Variants in BCAS3 observed in about 807,000 individuals in gnomAD.
BCAS3 encodes the protein BCAS4/BCAS3 fusion.
Under a neutral mutation model 116.1 loss-of-function variants are expected in BCAS3, and 53 were observed. That is an observed-to-expected ratio of 0.46 (90% confidence interval 0.37 to 0.57). BCAS3 has a LOEUF of 0.57. BCAS3 is among the 20% of genes least tolerant of loss of function. The pLI, the probability that BCAS3 is intolerant of heterozygous loss-of-function variation, is 0.00. For synonymous variants in BCAS3, 391 were observed against 408.2 expected, an observed-to-expected ratio of 0.96 and a Z score of 0.51; for missense variants, 917 against 1,165.4, an observed-to-expected ratio of 0.79 and a Z score of 3.10.
intron 15 of BCAS3, among the ~76,000 whole-genome samples, chr17:61,011,796 A>G (rs2065128470): frequency 2.6e-5 from 4 of 152,030 alleles, no homozygotes; most frequent in Admixed American, 2.0e-4. Flanking sequence ...ATCATTTATA[A>G]CCAAAGATTT....
At chr17:60,760,494 TTTG>T (rs201982018) in intron 6 of BCAS3, among the ~76,000 whole-genome samples, 12,550 of 115,726 alleles carry the variant, frequency 0.11, 1,710 homozygotes, top group African/African-American at 0.49. Flanking sequence ...GACAGGTTTT[TTTG>T]TTTTTTTTTT....
chr17:60,868,465 C>T, intron 7 of BCAS3, 111 bp from the exon 8 acceptor site: 1 of 541,368 alleles, frequency 1.8e-6, no homozygotes, highest in Middle Eastern at 4.5e-4. Context: ...AATCAATTTA[C>T]TAATATCTTG....
chr17:61,098,866 C>A lies in BCAS3; in HGVS notation c.2425+14302C>A, dbSNP rs1406372522. Among the ~76,000 whole-genome samples the A allele has an allele frequency of 6.6e-6, 1 of 152,070 alleles. No individual in the cohort carries two copies. The highest frequency in any genetic ancestry group is 1.5e-5 in the Non-Finnish European group (1 of 68,016). Reference sequence around the variant, plus strand: ...ATGGGCTGGGTGTGGTGGCTCACACCTGTAATACCAGCACTTTGGGAGGCC... The same window carrying A: ...ATGGGCTGGGTGTGGTGGCTCACACATGTAATACCAGCACTTTGGGAGGCC... On this transcript the variant is annotated intron_variant, in intron 22 of 23. Coordinates refer to ENST00000407086, the MANE Select transcript of BCAS3 (RefSeq NM_017679.5). This position sits in a 1 kb window ranked among gnomAD's most constrained non-coding sequence, Gnocchi z 4.2.
At chr17:60,784,101 C>A (rs1436202354) in intron 6 of BCAS3, among the ~76,000 whole-genome samples, 1 of 151,814 alleles carries the variant, frequency 6.6e-6, no homozygotes, top group Non-Finnish European at 1.5e-5. Flanking sequence ...ATAATGCAGT[C>A]CAAGCATGTA....
Position 61,388,733 on chromosome 17 carries a change from C to A in BCAS3, c.2594-3244C>A, listed in dbSNP as rs768653425. On this transcript the variant is annotated intron_variant, in intron 23 of 23. Coordinates refer to ENST00000407086, the MANE Select transcript of BCAS3 (RefSeq NM_017679.5). The surrounding 1 kb of genome is among the most constrained non-coding windows in gnomAD (Gnocchi z 6.5). ...GGTAAGGCCACACGTTTCCATTTGC[C>A]GCTTGCTCGTAGGGCTGGGCGGCCG... 7.2e-6 allele frequency: 11 copies of A among 1,536,464 alleles called. No homozygotes were observed. The African/African-American group carries it at 1.5e-4, about 21-fold the overall frequency.
intron 15 of BCAS3, among the ~76,000 whole-genome samples, chr17:60,999,169 C>T (rs917415796): frequency 3.3e-5 from 5 of 152,114 alleles, no homozygotes; most frequent in Non-Finnish European, 7.4e-5. Context: ...CTGTTCTTTT[C>T]CATTGGTCTA....
chr17:60,837,116 A>G (rs1156271526), intron 7 of BCAS3, among the ~76,000 whole-genome samples: 2 of 152,158 alleles, frequency 1.3e-5, no homozygotes, highest in Non-Finnish European at 2.9e-5. Context: ...CTTTAACCTT[A>G]TATCTAGTAG....
At chr17:61,254,880 T>A (rs1303209923) in intron 22 of BCAS3, among the ~76,000 whole-genome samples, 1 of 149,062 alleles carries the variant, frequency 6.7e-6, no homozygotes, top group Non-Finnish European at 1.5e-5. Context: ...AACAATACAA[T>A]AACAACAAAA....
intron 14 of BCAS3, among the ~76,000 whole-genome samples, chr17:60,969,019 C>T (rs562794433): frequency 6.7e-6 from 1 of 149,952 alleles, no homozygotes; most frequent in South Asian, 2.1e-4. Context: ...TTTCTGTGCT[C>T]TTGATGCCAG....
intron 22 of BCAS3, among the ~76,000 whole-genome samples, chr17:61,190,822 C>T (rs1160353200): frequency 1.3e-5 from 2 of 152,036 alleles, no homozygotes; most frequent in East Asian, 1.9e-4. Context: ...AGGCTGGTCT[C>T]GAACTCCTGA....
At chr17:61,305,172 T>A (rs1391039713) in intron 22 of BCAS3, among the ~76,000 whole-genome samples, 1 of 152,134 alleles carries the variant, frequency 6.6e-6, no homozygotes, top group Admixed American at 6.5e-5. Context: ...GATAGAATAC[T>A]GGCCTTAGTC....
chr17:60,780,130 A>G (rs753608841), intron 6 of BCAS3, among the ~76,000 whole-genome samples: 14 of 150,828 alleles, frequency 9.3e-5, no homozygotes, highest in African/African-American at 2.2e-4. Context: ...AGCTGGGACT[A>G]CAGGCACGTG....
In BCAS3 at chr17:61,343,291, C is replaced by T. The variant is rs1016547261; in HGVS notation, c.2426-25036C>T. 9.9e-5 allele frequency among the ~76,000 whole-genome samples: 15 copies of T among 152,218 alleles called. No individual in the cohort carries two copies. The highest frequency in any genetic ancestry group is 1.5e-5 in the Non-Finnish European group (1 of 68,046). On this transcript the variant is annotated intron_variant, in intron 22 of 23. Coordinates refer to ENST00000407086, the MANE Select transcript of BCAS3 (RefSeq NM_017679.5). The surrounding 1 kb of genome is among the most constrained non-coding windows in gnomAD (Gnocchi z 5.5). ...GAGCAGAACAAGCCCTTCAATTGTG[C>T]ACCGTTGTGTATGGTGCCAGAGTAG...
rs2055824097 is a variant in BCAS3, at chr17:61,327,395, T to C, written c.2426-40932T>C. Among the ~76,000 whole-genome samples the C allele has an allele frequency of 6.6e-6, 1 of 152,204 alleles. No homozygotes were observed. The highest frequency in any genetic ancestry group is 2.1e-4 in the South Asian group (1 of 4,824). On this transcript the variant is annotated intron_variant, in intron 22 of 23. Coordinates refer to ENST00000407086, the MANE Select transcript of BCAS3 (RefSeq NM_017679.5). This position sits in a 1 kb window ranked among gnomAD's most constrained non-coding sequence, Gnocchi z 5.9. ...ACAGAGTCAAGGAGACATTTACAAG[T>C]TAATATAATAAATGTAAATGTTTAT...
chr17:60,752,045 T>C (rs1403131774), intron 6 of BCAS3, among the ~76,000 whole-genome samples: 1 of 152,154 alleles, frequency 6.6e-6, no homozygotes, highest in Non-Finnish European at 1.5e-5. Context: ...ACAGCATATA[T>C]TTCTAGTTTT....
intron 14 of BCAS3, among the ~76,000 whole-genome samples, chr17:60,987,611 T>C (rs1388179429): frequency 1.3e-5 from 2 of 152,250 alleles, no homozygotes; most frequent in East Asian, 3.9e-4. Flanking sequence ...GGGATTACTT[T>C]GTAAATTTCT....
At chr17:60,943,044 ATT>A (rs2060305527) in intron 13 of BCAS3, among the ~76,000 whole-genome samples, 1 of 152,108 alleles carries the variant, frequency 6.6e-6, no homozygotes, top group Non-Finnish European at 1.5e-5. Context: ...AACAATAAAT[ATT>A]GTTAAAAATA....
At chr17:60,745,156 G>A (rs1302808252) in intron 5 of BCAS3, among the ~76,000 whole-genome samples, 4 of 151,776 alleles carry the variant, frequency 2.6e-5, no homozygotes, top group Non-Finnish European at 4.4e-5. Context: ...ACAGAGTGGT[G>A]GATTTTGTTT....
chr17:61,147,409 A>G (rs985861020), intron 22 of BCAS3, among the ~76,000 whole-genome samples: 1 of 151,762 alleles, frequency 6.6e-6, no homozygotes, highest in Non-Finnish European at 1.5e-5. Flanking sequence ...GGTTTTGTAG[A>G]GAGGGGGTTT....
Sources: gnomAD v4.1 joint callset for allele counts (sites outside exome capture counted in the v4.1 genomes callset) on GRCh38, gnomAD v4.1.1 for gene constraint, Gnocchi (gnomAD v3.1) non-coding constraint, MANE v1.5 for transcripts, NCBI Gene and HGNC (gene_info 2026-07-23, HGNC 2026-07-21) for gene names.